Variants in ACSL6 observed in about 807,000 individuals in gnomAD.
ACSL6 encodes the protein long-chain-fatty-acid--CoA ligase 6.
A neutral mutation model predicts 98.2 loss-of-function variants in ACSL6; 47 were observed. That is an observed-to-expected ratio of 0.48 (90% CI 0.38 to 0.61). The LOEUF (loss-of-function observed/expected upper bound fraction) is 0.61. Ranked by LOEUF, ACSL6 falls within the 20% of genes least tolerant of loss-of-function variation. ACSL6 has a pLI of 0.00. For missense variants in ACSL6, 761 were observed against 913.4 expected, an observed-to-expected ratio of 0.83 and a Z score of 2.15; for synonymous variants, 362 against 336.9, an observed-to-expected ratio of 1.07 and a Z score of -0.82.
intron 8 of ACSL6, among the ~76,000 whole-genome samples, chr5:131,986,346 C>T (rs997131888): frequency 6.6e-6 from 1 of 152,180 alleles, no homozygotes; most frequent in Non-Finnish European, 1.5e-5. Flanking sequence ...CCACATGGCC[C>T]ATCCCGGGGG....
chr5:131,992,244 C>G (rs1561804054), intron 2 of ACSL6, among the ~76,000 whole-genome samples: 1 of 152,116 alleles, frequency 6.6e-6, no homozygotes. Flanking sequence ...GGGGAGGAGG[C>G]CAGAGAGGCT....
At chr5:131,958,307 C>A (rs1002847740) in intron 20 of ACSL6, among the ~76,000 whole-genome samples, 2 of 152,190 alleles carry the variant, frequency 1.3e-5, no homozygotes, top group African/African-American at 4.8e-5. Flanking sequence ...TAGGCCCAGA[C>A]CAGCCAGGCC....
At chr5:131,970,904 G>T (rs1753272205) in intron 14 of ACSL6, among the ~76,000 whole-genome samples, 1 of 152,172 alleles carries the variant, frequency 6.6e-6, no homozygotes, top group Non-Finnish European at 1.5e-5. Flanking sequence ...CACCATGCAG[G>T]AGTGTCTGCC....
chr5:132,011,340 G>C lies in ACSL6; in HGVS notation c.49+165C>G, dbSNP rs988411007. Reference sequence around the variant, plus strand: ...CCCGGCCCGGAGCCCGCGAGAACTGGGGGCGGAGGGTGTACTTAGGCGGCC... The same window carrying C: ...CCCGGCCCGGAGCCCGCGAGAACTGCGGGCGGAGGGTGTACTTAGGCGGCC... On this transcript the variant is annotated intron_variant, in intron 1 of 20. Transcript: ENST00000651883. The surrounding 1 kb of genome is among the most constrained non-coding windows in gnomAD (Gnocchi z 5.4). 2.8e-5 allele frequency: 20 copies of C among 706,304 alleles called. No homozygotes were observed. The Admixed American group carries it at 4.8e-4, about 17-fold the overall frequency. 43.8% of individuals were successfully genotyped at this position (706,304 alleles called of 1,614,324 possible). A position where few individuals can be genotyped will look rare whatever the true frequency, so the allele number is the denominator to read the frequency against.
At chr5:131,971,527 G>A (rs1315454528) in intron 14 of ACSL6, 23 bp downstream of exon 14, 1 of 1,574,572 alleles carries the variant, frequency 6.4e-7, no homozygotes, top group Non-Finnish European at 8.6e-7. Flanking sequence ...CTGTTTCCAA[G>A]GGAGGACACA....
Position 131,994,257 on chromosome 5 carries a change from G to C in ACSL6, c.50-6C>G. 3.1e-6 allele frequency: 5 copies of C among 1,601,812 alleles called. No homozygotes were observed. The highest frequency in any genetic ancestry group is 4.3e-6 in the Non-Finnish European group (5 of 1,173,734). ...CAGAAGTGAGAGGACAAACTCTGTT[G>C]AAAACAAGAGTCAGATAAGGCAAGA... On this transcript the variant is annotated splice_region_variant and splice_polypyrimidine_tract_variant and intron_variant, in intron 1 of 20. Transcript: ENST00000651883.
intron 9 of ACSL6, among the ~76,000 whole-genome samples, chr5:131,977,523 C>A (rs772785745): frequency 6.6e-6 from 1 of 152,202 alleles, no homozygotes; most frequent in African/African-American, 2.4e-5. Context: ...CACTGGCAAG[C>A]CATTGTTCCT....
chr5:132,011,320 C>T lies in ACSL6; in HGVS notation c.49+185G>A. ...AGACCCAGGTGCTCCCCAAACCCGGCCCGGAGCCCGCGAGAACTGGGGGCG... is the reference window on the plus strand; with the variant it reads ...AGACCCAGGTGCTCCCCAAACCCGGTCCGGAGCCCGCGAGAACTGGGGGCG... On this transcript the variant is annotated intron_variant, in intron 1 of 20. Coordinates refer to ENST00000651883, the MANE Select transcript of ACSL6 (RefSeq NM_001009185.3). This position sits in a 1 kb window ranked among gnomAD's most constrained non-coding sequence, Gnocchi z 5.4. 9.0e-6 allele frequency: 6 copies of T among 665,282 alleles called. 1 individual carries two copies. In the South Asian group the frequency reaches 1.1e-4, roughly 12 times the overall value. The allele number at this position is 665,282 out of a possible 1,614,324, so 41.2% of individuals were successfully genotyped here.
Position 131,969,978 on chromosome 5 carries a change from G to A in ACSL6, c.1507+150C>T, listed in dbSNP as rs76259363. On this transcript the variant is annotated intron_variant, in intron 15 of 20. Coordinates refer to ENST00000651883, the MANE Select transcript of ACSL6 (RefSeq NM_001009185.3). ...TACAGATTCACAATGCCACAACCCA[G>A]ACATAACCACCATTAATGTTTTTTT... The A allele has an allele frequency of 3.4e-4, 246 of 713,594 alleles. 2 individuals carry two copies. The East Asian group carries it at 5.7e-3, about 17-fold the overall frequency. The allele number at this position is 713,594 out of a possible 1,614,324, so 44.2% of individuals were successfully genotyped here.
At chr5:132,005,969 C>T (rs1385338459) in intron 1 of ACSL6, among the ~76,000 whole-genome samples, 1 of 152,214 alleles carries the variant, frequency 6.6e-6, no homozygotes, top group Non-Finnish European at 1.5e-5. Flanking sequence ...CCCACATTTG[C>T]TTATACCAGG....
chr5:131,959,762 T>A, intron 19 of ACSL6, 155 bp from the exon 20 acceptor site: 1 of 674,226 alleles, frequency 1.5e-6, no homozygotes, highest in Non-Finnish European at 2.6e-6. Flanking sequence ...CTGGCAACAC[T>A]CCAATTACCA....
chr5:131,958,926 G>A (rs919070912), intron 20 of ACSL6, among the ~76,000 whole-genome samples: 1 of 151,916 alleles, frequency 6.6e-6, no homozygotes, highest in Non-Finnish European at 1.5e-5. Context: ...TCCATTTGAA[G>A]CATTTTTCTC....
intron 19 of ACSL6, among the ~76,000 whole-genome samples, chr5:131,960,288 G>A (rs754517591): frequency 6.6e-6 from 1 of 152,136 alleles, no homozygotes; most frequent in Non-Finnish European, 1.5e-5. Flanking sequence ...AGCTTTCTGT[G>A]ATGTCTCCTG....
At chr5:131,966,337 G>A (rs1424828423) in intron 17 of ACSL6, 79 bp downstream of exon 17, 1 of 1,377,924 alleles carries the variant, frequency 7.3e-7, no homozygotes, top group African/African-American at 1.4e-5. Flanking sequence ...ATTTGGAGAA[G>A]ACTCCTGCCT....
Position 132,011,371 on chromosome 5 carries a change from G to T in ACSL6, c.49+134C>A. ...GAGGGTGTACTTAGGCGGCCCTGGG[G>T]ACCTTGACGGGACAGCTCAGCAGCA... is the stretch of plus-strand genomic sequence containing the variant. On this transcript the variant is annotated intron_variant, in intron 1 of 20. Coordinates refer to ENST00000651883, the MANE Select transcript of ACSL6 (RefSeq NM_001009185.3). The surrounding 1 kb of genome is among the most constrained non-coding windows in gnomAD (Gnocchi z 5.4). The T allele has an allele frequency of 1.0e-6, 1 of 990,208 alleles. No individual in the cohort carries two copies. The allele number at this position is 990,208 out of a possible 1,614,324, so 61.3% of individuals were successfully genotyped here.
At chr5:132,008,681 C>T (rs1290424302) in intron 1 of ACSL6, among the ~76,000 whole-genome samples, 1 of 152,242 alleles carries the variant, frequency 6.6e-6, no homozygotes, top group Non-Finnish European at 1.5e-5. Flanking sequence ...ACTCATCCCC[C>T]ATTGCAGTTC....
rs144740812 is a variant in ACSL6 at position 131,967,988 on chromosome 5, G to C, written c.1548C>G (p.Leu516=). The C allele has an allele frequency of 1.9e-6, 3 of 1,613,742 alleles. No individual in the cohort carries two copies. The highest frequency in any genetic ancestry group is 2.5e-6 in the Non-Finnish European group (3 of 1,179,806). The change falls in exon 16 of 21, where the codon CTC becomes CTG. Residue 516 remains leucine (L), a synonymous_variant. Transcript: ENST00000651883. ...GAPLPCNHIK[L]VDVEELNYWA... is the part of the protein sequence containing the mutation. ...AGTAGTTCAGTTCCTCAACATCAAC[G>C]AGCTTGATATGATTGCAGGGAAGTG...
At chr5:131,998,777 C>T (rs1201980312) in intron 1 of ACSL6, among the ~76,000 whole-genome samples, 1 of 152,210 alleles carries the variant, frequency 6.6e-6, no homozygotes, top group Non-Finnish European at 1.5e-5. Flanking sequence ...TGCCCTGTTA[C>T]CAAAGTTATT....
intron 9 of ACSL6, among the ~76,000 whole-genome samples, chr5:131,977,534 C>T (rs1753683125): frequency 6.6e-6 from 1 of 152,238 alleles, no homozygotes; most frequent in Admixed American, 6.5e-5. Flanking sequence ...CATTGTTCCT[C>T]TCTGTTTCCT....
Sources: gnomAD v4.1 joint callset for allele counts (sites outside exome capture counted in the v4.1 genomes callset) on GRCh38, gnomAD v4.1.1 for gene constraint, Gnocchi (gnomAD v3.1) non-coding constraint, MANE v1.5 for transcripts, NCBI Gene and HGNC (gene_info 2026-07-23, HGNC 2026-07-21) for gene names.